Variants in ACSL4 observed in about 807,000 individuals in gnomAD.
ACSL4 encodes acyl-CoA synthetase long chain family member 4.
In ACSL4, 9 loss-of-function variants were observed where a neutral mutation model predicts 49.1. The ratio of observed to expected loss-of-function variants is 0.18; its 90% CI spans 0.11 to 0.32. ACSL4 has a LOEUF of 0.32. Ranked by LOEUF, ACSL4 falls within the 10% of genes least tolerant of loss-of-function variation. ACSL4 has a pLI of 1.00. For missense variants in ACSL4, 333 were observed against 493.7 expected (o/e 0.67, Z 3.08); for synonymous variants, 191 against 170.3 (o/e 1.12, Z -0.95).
At position 109,643,639 on chromosome X, in the gene ACSL4, C is replaced by T. The variant is rs1317602035; in HGVS notation, c.*390G>A. On this transcript the variant is annotated 3_prime_UTR_variant, in exon 16 of 16. Coordinates refer to ENST00000672401, the MANE Select transcript of ACSL4 (RefSeq NM_001318510.2). ...TTTTCTGTCATGCTTAATATTTAAACTTCTGAAATAGGAAGACAAGAGGCA... is the reference window on the plus strand; with the variant it reads ...TTTTCTGTCATGCTTAATATTTAAATTTCTGAAATAGGAAGACAAGAGGCA... The T allele has an allele frequency of 6.8e-6, 1 of 146,286 alleles. No individual in the cohort carries two copies. The highest frequency in any genetic ancestry group is 1.3e-5 in the Non-Finnish European group (1 of 74,542). The allele number at this position is 146,286 out of a possible 1,213,427, so 12.1% of individuals were successfully genotyped here. A position where few individuals can be genotyped will look rare whatever the true frequency, so the allele number is the denominator to read the frequency against.
chrX:109,714,140 T>C (rs974797348), intron 1 of ACSL4, among the ~76,000 whole-genome samples: 1 of 112,080 alleles, frequency 8.9e-6, no homozygotes, highest in African/African-American at 3.2e-5. Flanking sequence ...TTTGTAGGCC[T>C]CGGCTAATGT....
At chrX:109,704,654 A>C (rs1926218959) in intron 1 of ACSL4, among the ~76,000 whole-genome samples, 1 of 111,926 alleles carries the variant, frequency 8.9e-6, no homozygotes, top group Non-Finnish European at 1.9e-5. Flanking sequence ...AAGTGAAATA[A>C]GCTAGACACA....
chrX:109,677,370 A>G (rs1035194570), intron 8 of ACSL4, among the ~76,000 whole-genome samples: 1 of 111,449 alleles, frequency 9.0e-6, no homozygotes, highest in African/African-American at 3.3e-5. Context: ...CCTCCCAGAA[A>G]CCCACCAATG....
chrX:109,668,253 T>A lies in ACSL4; in HGVS notation c.1163A>T (p.Lys388Met), dbSNP rs761895022. 1 of 1,203,458 alleles carries A rather than the reference T, an allele frequency of 8.3e-7. No individual in the cohort carries two copies. Among genetic ancestry groups the A allele is most frequent in the East Asian group, 3.0e-5 (1 of 33,640 alleles). Reference protein sequence around the residue: ...LCNLLLFKKVKALLGGNVRMM... With the variant: ...LCNLLLFKKVMALLGGNVRMM... ...GCGGACATTCCCTCCCAGCAGGGCC[T>A]TGACCTTTTTAAACAGTAACCTTAA... The change falls in exon 11 of 16, where the codon AAG (lysine) becomes ATG (methionine). Residue 388 changes from lysine (K) to methionine (M), a missense_variant. Physicochemically the swap from Lys to Met is moderately conservative, Grantham distance 95. Coordinates refer to ENST00000672401, the MANE Select transcript of ACSL4 (RefSeq NM_001318510.2).
At position 109,656,819 on chromosome X, in the gene ACSL4, G is replaced by C. The variant is rs1603400688; in HGVS notation, c.1855+2535C>G. 2.7e-5 allele frequency among the ~76,000 whole-genome samples: 3 copies of C among 109,644 alleles called. No individual in the cohort carries two copies. The Admixed American group carries it at 2.9e-4, about 11-fold the overall frequency. Reference sequence around the variant, plus strand: ...AAAGAAAAAAAAAAAGCCTACTATTGAACTTGAGCATTAATTTTTAATCTC... The same window carrying C: ...AAAGAAAAAAAAAAAGCCTACTATTCAACTTGAGCATTAATTTTTAATCTC... On this transcript the variant is annotated intron_variant, in intron 15 of 15. Transcript: ENST00000672401.
In ACSL4 at chrX:109,644,047, T is replaced by G. The variant is rs1159368706; in HGVS notation, c.1995A>C (p.Arg665=). 2.5e-6 allele frequency: 3 copies of G among 1,211,415 alleles called. No individual in the cohort carries two copies. The South Asian group carries it at 5.3e-5, about 21-fold the overall frequency. Reference sequence around the variant, plus strand: ...CAACATTTTATTTGCCCCCATACATTCGTTCAATGTCTTTGAGGTAATGGT... The same window carrying G: ...CAACATTTTATTTGCCCCCATACATGCGTTCAATGTCTTTGAGGTAATGGT... ...LRNHYLKDIE[R]MYGGK is the part of the protein sequence containing the mutation. The change falls in exon 16 of 16, where the codon CGA becomes CGC. Residue 665 remains arginine, a synonymous_variant. Transcript: ENST00000672401.
At chrX:109,663,168 G>A in intron 13 of ACSL4, 43 bp downstream of exon 13, 1 of 1,096,139 alleles carries the variant, frequency 9.1e-7, no homozygotes, top group Non-Finnish European at 1.2e-6. Flanking sequence ...ATATACTGAA[G>A]TTATAAAAAC....
intron 1 of ACSL4, among the ~76,000 whole-genome samples, chrX:109,697,928 G>A (rs1341591160): frequency 9.1e-6 from 1 of 110,267 alleles, no homozygotes; most frequent in African/African-American, 3.3e-5. Context: ...AGGGGAGAGG[G>A]ATAGGGGAAA....
chrX:109,645,077 T>C (rs1214780028), intron 15 of ACSL4, among the ~76,000 whole-genome samples: 10 of 111,044 alleles, frequency 9.0e-5, no homozygotes, highest in African/African-American at 2.3e-4. Flanking sequence ...AACTGCAAGG[T>C]GGCAGGGAGG....
chrX:109,678,032 C>T lies in ACSL4; in HGVS notation c.886G>A (p.Gly296Ser). Reference sequence around the variant, plus strand: ...GGAGAAGAATATCCAATCCTGCAGCCATAGGTAAAGCAAGATATCTCTGCT... The same window carrying T: ...GGAGAAGAATATCCAATCCTGCAGCTATAGGTAAAGCAAGATATCTCTGCT... ...LTAEISCFTY[G>S]CRIGYSSPLT... The change falls in exon 8 of 16, where the codon GGC (glycine) becomes AGC (serine). Residue 296 changes from glycine to serine, a missense_variant. Gly to Ser is a moderately conservative substitution (Grantham distance 56). Around this residue, in one of 3 missense-constraint regions of ACSL4, gnomAD observed 175 missense variants for 275.8 expected, o/e 0.63. Coordinates refer to ENST00000672401, the MANE Select transcript of ACSL4 (RefSeq NM_001318510.2). 1 of 1,211,278 alleles carries T rather than the reference C, an allele frequency of 8.3e-7. No homozygotes were observed. Among genetic ancestry groups the T allele is most frequent in the Non-Finnish European group, 1.1e-6 (1 of 895,066 alleles).
intron 1 of ACSL4, among the ~76,000 whole-genome samples, chrX:109,726,747 T>G (rs1376222361): frequency 8.9e-6 from 1 of 111,986 alleles, no homozygotes; most frequent in Non-Finnish European, 1.9e-5. Context: ...GGTGCAATCA[T>G]AGCTCTCTGC....
intron 15 of ACSL4, among the ~76,000 whole-genome samples, chrX:109,648,211 G>T (rs1934823567): frequency 9.0e-6 from 1 of 111,274 alleles, no homozygotes; most frequent in African/African-American, 3.3e-5. Context: ...GCCTGGCAGA[G>T]ACACAACCAA....
chrX:109,665,460 A>C lies in ACSL4; in HGVS notation c.1350T>G (p.Pro450=). 8.3e-7 allele frequency: 1 copy of C among 1,210,622 alleles called. No individual in the cohort carries two copies. The highest frequency in any genetic ancestry group is 1.7e-5 in the African/African-American group (1 of 57,796). Residue 450 remains proline (P), a synonymous_variant, in exon 12 of 16, where the codon CCT becomes CCG. Coordinates refer to ENST00000672401, the MANE Select transcript of ACSL4 (RefSeq NM_001318510.2). ...TDYTTGRVGA[P]LICCEIKLKD... is the part of the protein sequence containing the mutation. ...TTAGCTTAATTTCACAGCAAATAAG[A>C]GGTGCTCCAACTCTGCCAGTAGTAT...
At chrX:109,667,233 T>A (rs1358921375) in intron 11 of ACSL4, among the ~76,000 whole-genome samples, 4 of 112,401 alleles carry the variant, frequency 3.6e-5, no homozygotes, top group Admixed American at 9.4e-5. Flanking sequence ...CAACCTAAAG[T>A]GATTTTGCCC....
chrX:109,722,012 C>T (rs968910091), intron 1 of ACSL4, among the ~76,000 whole-genome samples: 1 of 111,512 alleles, frequency 9.0e-6, no homozygotes, highest in African/African-American at 3.3e-5. Flanking sequence ...AATAGGGACA[C>T]TGTTTCAATC....
chrX:109,657,087 G>C (rs1455664128), intron 15 of ACSL4, among the ~76,000 whole-genome samples: 1 of 111,300 alleles, frequency 9.0e-6, no homozygotes, highest in Non-Finnish European at 1.9e-5. Context: ...CCCAAGGTTG[G>C]CCCATCTACT....
chrX:109,697,173 C>G (rs1603408584), intron 1 of ACSL4, among the ~76,000 whole-genome samples: 1 of 112,816 alleles, frequency 8.9e-6, no homozygotes, highest in Non-Finnish European at 1.9e-5. Flanking sequence ...TAGTTACCAT[C>G]TGAATACTTG....
At chrX:109,676,047 T>G (rs1487664152) in intron 8 of ACSL4, among the ~76,000 whole-genome samples, 1 of 111,558 alleles carries the variant, frequency 9.0e-6, no homozygotes, top group East Asian at 2.8e-4. Flanking sequence ...AAAAAGCCAC[T>G]TTAAAAGAAG....
At chrX:109,703,389 G>A (rs1402732834) in intron 1 of ACSL4, among the ~76,000 whole-genome samples, 1 of 111,396 alleles carries the variant, frequency 9.0e-6, no homozygotes, top group Non-Finnish European at 1.9e-5. Context: ...TTAACATTAG[G>A]GGAAATTGGG....
Sources: allele counts gnomAD v4.1 joint callset (sites outside exome capture counted in the v4.1 genomes callset), GRCh38; gene constraint gnomAD v4.1.1; regional missense constraint gnomAD v4.1.1; transcripts MANE v1.5; gene names NCBI Gene and HGNC (gene_info 2026-07-23, HGNC 2026-07-21).